The following EPB41L4A variants were observed in gnomAD, a reference collection of about 807,000 sequenced individuals.
EPB41L4A encodes erythrocyte membrane protein band 4.1 like 4A, also known as band 4.1-like protein 4A.
EPB41L4A carries 100 observed loss-of-function variants against 108.6 expected under a neutral mutation model. That is an observed-to-expected ratio of 0.92 (90% confidence interval 0.78 to 1.09). The LOEUF (loss-of-function observed/expected upper bound fraction) is 1.09, where lower values mean the gene tolerates loss of function less well. EPB41L4A is among the 50% of genes least tolerant of loss of function. The pLI, the probability that EPB41L4A is intolerant of heterozygous loss-of-function variation, is 0.00. For missense variants in EPB41L4A, 1,030 were observed against 842.7 expected (o/e 1.22, Z -2.75); for synonymous variants, 319 against 289.0 (o/e 1.10, Z -1.05).
upstream of EPB41L4A, chr5:112,419,828 C>A: frequency 2.2e-6 from 1 of 456,756 alleles, no homozygotes; most frequent in Non-Finnish European, 4.4e-6. Flanking sequence ...GAGCTCATTA[C>A]GGGTGGCCGT....
At chr5:112,269,201 T>C (rs1193042209) in intron 4 of EPB41L4A, among the ~76,000 whole-genome samples, 4 of 151,906 alleles carry the variant, frequency 2.6e-5, no homozygotes, top group Admixed American at 2.0e-4. Flanking sequence ...AAAAAAAATA[T>C]CTACTCAAAC....
chr5:112,154,685 T>C (rs1371023874), intron 12 of EPB41L4A, among the ~76,000 whole-genome samples: 1 of 152,150 alleles, frequency 6.6e-6, no homozygotes, highest in African/African-American at 2.4e-5. Context: ...CCCACAAAAT[T>C]TTTTTAAATC....
chr5:112,221,526 C>T (rs1748047455), intron 12 of EPB41L4A, among the ~76,000 whole-genome samples: 1 of 152,212 alleles, frequency 6.6e-6, no homozygotes, highest in South Asian at 2.1e-4. Context: ...TTATATAGTG[C>T]ACAGCTGGAT....
At chr5:112,234,542 GT>G in intron 12 of EPB41L4A, 91 bp downstream of exon 12, 1 of 1,164,328 alleles carries the variant, frequency 8.6e-7, no homozygotes, top group Non-Finnish European at 1.2e-6. Flanking sequence ...TAGAAAGACT[GT>G]AGAGTTATAG....
intron 1 of EPB41L4A, among the ~76,000 whole-genome samples, chr5:112,371,449 C>T (rs1030680486): frequency 6.6e-6 from 1 of 152,200 alleles, no homozygotes; most frequent in African/African-American, 2.4e-5. Flanking sequence ...CAGTGCAGTA[C>T]TTAAGATATG....
chr5:112,326,533 C>T (rs530946256), intron 1 of EPB41L4A, among the ~76,000 whole-genome samples: 4 of 152,288 alleles, frequency 2.6e-5, no homozygotes, highest in Non-Finnish European at 5.9e-5. Context: ...GCTATTAGAA[C>T]AAAAGTTCTA....
At chr5:112,244,813 G>A (rs564492101) in intron 9 of EPB41L4A, among the ~76,000 whole-genome samples, 61 of 152,268 alleles carry the variant, frequency 4.0e-4, no homozygotes, top group African/African-American at 1.4e-3. Context: ...CTTGCAGGGT[G>A]CTCTTTGTTA....
chr5:112,365,371 C>T lies in EPB41L4A; in HGVS notation c.99+53570G>A, dbSNP rs188071545. 2.6e-5 allele frequency among the ~76,000 whole-genome samples: 4 copies of T among 152,234 alleles called. No homozygotes were observed. In the East Asian group the frequency reaches 7.7e-4, roughly 29 times the overall value. On this transcript the variant is annotated intron_variant, in intron 1 of 22. Transcript: ENST00000261486. ...CCTAGCTTTCATGAATATTATACTT[C>T]ATTTTGTATCTCTTCCTCAAATACT...
In EPB41L4A at chr5:112,406,524, C is replaced by T. The variant is rs1762081576; in HGVS notation, c.99+12417G>A. Among the ~76,000 whole-genome samples the T allele has an allele frequency of 2.6e-5, 4 of 152,092 alleles. No individual in the cohort carries two copies. The South Asian group carries it at 8.3e-4, about 32-fold the overall frequency. ...TAATTTTTTTAAAGCTTCCCTCGAG[C>T]AGAAGACACTCTCTCTCACAGAACC... On this transcript the variant is annotated intron_variant, in intron 1 of 22. Transcript: ENST00000261486.
At chr5:112,150,640 T>G (rs936382528) in intron 12 of EPB41L4A, among the ~76,000 whole-genome samples, 3 of 152,116 alleles carry the variant, frequency 2.0e-5, no homozygotes, top group African/African-American at 7.2e-5. Context: ...TCACATCTAC[T>G]CATATTGTAA....
At chr5:112,257,154 T>G (rs1316188806) in intron 9 of EPB41L4A, 1 of 152,148 alleles carries the variant, frequency 6.6e-6, no homozygotes, top group African/African-American at 2.4e-5. Context: ...TCCATAATAA[T>G]CAACCTAATT....
At chr5:112,241,120 A>G (rs977941284) in intron 9 of EPB41L4A, among the ~76,000 whole-genome samples, 7 of 152,132 alleles carry the variant, frequency 4.6e-5, no homozygotes, top group African/African-American at 7.2e-5. Flanking sequence ...AATGGCCACT[A>G]ATACAGGAAA....
At chr5:112,362,197 G>A (rs553650956) in intron 1 of EPB41L4A, among the ~76,000 whole-genome samples, 1 of 152,090 alleles carries the variant, frequency 6.6e-6, no homozygotes, top group South Asian at 2.1e-4. Context: ...TTGAATTCCT[G>A]GCCTCAAGCA....
chr5:112,305,179 T>G (rs1561555407), intron 2 of EPB41L4A, among the ~76,000 whole-genome samples: 1 of 152,200 alleles, frequency 6.6e-6, no homozygotes, highest in Non-Finnish European at 1.5e-5. Flanking sequence ...GGAAAGATGC[T>G]TAACCTTCTT....
chr5:112,368,905 T>C (rs1233971246), intron 1 of EPB41L4A, among the ~76,000 whole-genome samples: 2 of 152,072 alleles, frequency 1.3e-5, no homozygotes, highest in Non-Finnish European at 2.9e-5. Flanking sequence ...CACTCCTCTG[T>C]CTCCAATTCT....
intron 4 of EPB41L4A, among the ~76,000 whole-genome samples, chr5:112,271,562 C>T (rs190618324): frequency 2.7e-4 from 41 of 152,334 alleles, no homozygotes; most frequent in Admixed American, 2.3e-3. Flanking sequence ...ATGCAGACCT[C>T]ACTCAGCCTT....
At chr5:112,234,966 G>C (rs1476111628) in intron 11 of EPB41L4A, among the ~76,000 whole-genome samples, 1 of 152,186 alleles carries the variant, frequency 6.6e-6, no homozygotes, top group African/African-American at 2.4e-5. Context: ...AAATCTTTCA[G>C]AGGAGGAAAC....
At chr5:112,186,231 G>T (rs1214607997) in intron 17 of EPB41L4A, among the ~76,000 whole-genome samples, 2 of 152,180 alleles carry the variant, frequency 1.3e-5, no homozygotes, top group East Asian at 3.8e-4. Context: ...ATATTTTTGA[G>T]AGGTCAAACC....
Position 112,163,300 on chromosome 5 carries a change from G to A in EPB41L4A, c.*1690C>T, listed in dbSNP as rs1187818040. The A allele has an allele frequency of 6.6e-6, 1 of 152,184 alleles. No homozygotes were observed. Among genetic ancestry groups the A allele is most frequent in the Non-Finnish European group, 1.5e-5 (1 of 68,036 alleles). 9.4% of individuals were successfully genotyped at this position (152,184 alleles called of 1,614,324 possible). ...CATAATGACCCTAGATTCAGCTGGG[G>A]AGCAGCATTTAAACAGCTGAATTTT... On this transcript the variant is annotated 3_prime_UTR_variant, in exon 23 of 23. Transcript: ENST00000261486.
Sources: gnomAD v4.1 joint callset for allele counts (sites outside exome capture counted in the v4.1 genomes callset) on GRCh38, gnomAD v4.1.1 for gene constraint, MANE v1.5 for transcripts, NCBI Gene and HGNC (gene_info 2026-07-23, HGNC 2026-07-21) for gene names.